Variants in XPO1 observed in about 807,000 individuals in gnomAD.
XPO1 encodes exportin 1.
XPO1 carries 5 observed loss-of-function variants against 133.3 expected under a neutral mutation model. The observed-to-expected ratio is 0.04, with a 90% CI of 0.02 to 0.08. The LOEUF (loss-of-function observed/expected upper bound fraction) is 0.08. XPO1 is among the 10% of genes least tolerant of loss of function. The pLI is 1.00. For missense variants in XPO1, 506 were observed against 1,267.5 expected (o/e 0.40, Z 9.12); for synonymous variants, 419 against 408.2 (o/e 1.03, Z -0.32).
chr2:61,535,446 A>G lies in XPO1; in HGVS notation c.-6-1543T>C, dbSNP rs577086330. Among the ~76,000 whole-genome samples, 6 of 152,362 alleles carry G rather than the reference A, an allele frequency of 3.9e-5. No individual in the cohort carries two copies. The South Asian group carries it at 1.2e-3, about 32-fold the overall frequency. On this transcript the variant is annotated intron_variant, in intron 1 of 24. Transcript: ENST00000401558. ...TTTAGGAACTTTCGTGGACCAGAAA[A>G]TGAGTAGCTAATTTCTTTACATTAT...
intron 4 of XPO1, among the ~76,000 whole-genome samples, chr2:61,515,842 GGGAGGCCGA>G (rs1698347671): frequency 6.6e-6 from 1 of 151,116 alleles, no homozygotes; most frequent in Admixed American, 6.6e-5. Flanking sequence ...CCAGCACTTT[GGGAGGCCGA>G]GGAGGGTGGA....
chr2:61,526,637 G>T, intron 2 of XPO1, 116 bp from the exon 3 acceptor site: 2 of 719,492 alleles, frequency 2.8e-6, no homozygotes, highest in Non-Finnish European at 2.0e-6. Context: ...TTCTATTATT[G>T]ATGTTCAGAA....
intron 17 of XPO1, 139 bp downstream of exon 17, chr2:61,490,503 T>TA (rs2104409383): frequency 8.0e-7 from 1 of 1,253,714 alleles, no homozygotes; most frequent in Non-Finnish European, 1.1e-6. Flanking sequence ...CTCGCCCAGA[T>TA]AATAAATTAT....
rs1230566919 is a variant in XPO1 at position 61,505,416 on chromosome 2, G to C, written c.302-3106C>G. Among the ~76,000 whole-genome samples, 3 of 147,978 alleles carry C rather than the reference G, an allele frequency of 2.0e-5. No individual in the cohort carries two copies. The South Asian group carries it at 6.4e-4, about 31-fold the overall frequency. ...ACTTTTTTTTTTTTTTTTTGAGATG[G>C]AGTCTTCCTCTGTCTTCCAGGCTGG... On this transcript the variant is annotated intron_variant, in intron 4 of 24. Transcript: ENST00000401558.
At chr2:61,484,283 G>T in intron 20 of XPO1, 178 bp from the exon 21 acceptor site, 1 of 557,692 alleles carries the variant, frequency 1.8e-6, no homozygotes, top group South Asian at 2.4e-5. Context: ...CACGGAAAAT[G>T]AAACTGTCCC....
Position 61,492,536 on chromosome 2 carries a change from C to T in XPO1, c.1566+31G>A, listed in dbSNP as rs748636882. 1 of 1,595,380 alleles carries T rather than the reference C, an allele frequency of 6.3e-7. No individual in the cohort carries two copies. The highest frequency in any genetic ancestry group is 1.1e-5 in the South Asian group (1 of 87,360). ...TTGTAACAACATAATACTTATTTAGCAATTCTAATTCATACCTATCCCTTG... is the reference window on the plus strand; with the variant it reads ...TTGTAACAACATAATACTTATTTAGTAATTCTAATTCATACCTATCCCTTG... On this transcript the variant is annotated intron_variant, in intron 14 of 24. Transcript: ENST00000401558. The surrounding 1 kb of genome is among the most constrained non-coding windows in gnomAD (Gnocchi z 5.6).
At chr2:61,483,758 G>T in intron 21 of XPO1, 179 bp downstream of exon 21, 1 of 630,510 alleles carries the variant, frequency 1.6e-6, no homozygotes, top group Non-Finnish European at 2.6e-6. Context: ...TCTGCCTATG[G>T]ACTCACTTGG....
chr2:61,485,819 T>G lies in XPO1; in HGVS notation c.2457A>C (p.Ile819=). 1 of 1,613,820 alleles carries G rather than the reference T, an allele frequency of 6.2e-7. No individual in the cohort carries two copies. Among genetic ancestry groups the G allele is most frequent in the Non-Finnish European group, 8.5e-7 (1 of 1,179,878 alleles). Residue 819 remains isoleucine (I), a synonymous_variant, in exon 20 of 25, where the codon ATA becomes ATC. Transcript: ENST00000401558. ...NKLGGHITAE[I]PQIFDAVFEC... ...CAAAAACAGCATCAAATATTTGAGGTATTTCAGCTGTTATATGTCCCCCTA... is the reference window on the plus strand; with the variant it reads ...CAAAAACAGCATCAAATATTTGAGGGATTTCAGCTGTTATATGTCCCCCTA...
chr2:61,486,435 AT>A (rs1415565588), intron 19 of XPO1, among the ~76,000 whole-genome samples: 2 of 150,010 alleles, frequency 1.3e-5, no homozygotes, highest in African/African-American at 2.5e-5. Context: ...TATATGTAAG[AT>A]GGCAGCAAGC....
intron 4 of XPO1, among the ~76,000 whole-genome samples, chr2:61,518,717 A>G (rs1173273016): frequency 6.6e-6 from 1 of 152,190 alleles, no homozygotes; most frequent in Non-Finnish European, 1.5e-5. Flanking sequence ...GATGGGGAAT[A>G]AAGTGACTAA....
intron 4 of XPO1, among the ~76,000 whole-genome samples, chr2:61,521,744 GTTTT>G (rs1035623464): frequency 6.6e-6 from 1 of 151,550 alleles, no homozygotes; most frequent in African/African-American, 2.4e-5. Context: ...CTTACATATG[GTTTT>G]TTTTGTTGTT....
chr2:61,489,559 ATT>A (rs1316706399), intron 17 of XPO1, among the ~76,000 whole-genome samples: 1 of 145,066 alleles, frequency 6.9e-6, no homozygotes, highest in Admixed American at 6.9e-5. Flanking sequence ...ATATAGTTCT[ATT>A]TTTTTTTTTT....
intron 1 of XPO1, chr2:61,536,264 G>A (rs1699351414): frequency 6.6e-6 from 1 of 152,178 alleles, no homozygotes; most frequent in African/African-American, 2.4e-5. Flanking sequence ...AGCACATTTA[G>A]TCCCCCAAAT....
intron 2 of XPO1, among the ~76,000 whole-genome samples, chr2:61,530,981 T>C (rs1368789973): frequency 2.0e-5 from 3 of 152,074 alleles, no homozygotes; most frequent in South Asian, 4.1e-4. Flanking sequence ...AACCCTCCAA[T>C]CTCTTGTAGG....
At chr2:61,500,733 A>G (rs1370467449) in intron 6 of XPO1, among the ~76,000 whole-genome samples, 1 of 152,102 alleles carries the variant, frequency 6.6e-6, no homozygotes, top group East Asian at 1.9e-4. Context: ...TGGGAGGTGG[A>G]GGTTTCAGTG....
intron 2 of XPO1, among the ~76,000 whole-genome samples, chr2:61,528,736 TA>T (rs1558679566): frequency 0.011 from 21 of 1,888 alleles, 1 homozygote; most frequent in East Asian, 0.077. Flanking sequence ...ATTTTATTTA[TA>T]TATATATATA....
chr2:61,492,933 T>A lies in XPO1; in HGVS notation c.1366A>T (p.Asn456Tyr). Reference protein sequence around the residue: ...KDTDSINLYKNMRETLVYLTH... With the variant: ...KDTDSINLYKYMRETLVYLTH... The stretch of plus-strand genomic sequence containing the variant: ...AACTTACCCAATGTTTCCCTCATAT[T>A]CTTATACAAATTTATGGAATCTGTA... Residue 456 changes from asparagine (N) to tyrosine (Y), a missense_variant, in exon 13 of 25, where the codon AAT becomes TAT. By Grantham distance (143) the Asn-to-Tyr change is moderately radical. This residue lies in a region of XPO1 where 21 missense variants were observed against 198.1 expected (regional missense o/e 0.11). Coordinates refer to ENST00000401558, the MANE Select transcript of XPO1 (RefSeq NM_003400.4). This position sits in a 1 kb window ranked among gnomAD's most constrained non-coding sequence, Gnocchi z 5.6. 1 of 1,604,144 alleles carries A rather than the reference T, an allele frequency of 6.2e-7. No individual in the cohort carries two copies. Among genetic ancestry groups the A allele is most frequent in the Non-Finnish European group, 8.5e-7 (1 of 1,176,532 alleles).
chr2:61,502,288 G>T lies in XPO1; in HGVS notation c.324C>A (p.Gly108=). 6.2e-7 allele frequency: 1 copy of T among 1,613,258 alleles called. No homozygotes were observed. The highest frequency in any genetic ancestry group is 8.5e-7 in the Non-Finnish European group (1 of 1,179,838). Residue 108 remains glycine (G), a synonymous_variant, in exon 5 of 25, where the codon GGC becomes GGA. Coordinates refer to ENST00000401558, the MANE Select transcript of XPO1 (RefSeq NM_003400.4). The part of the protein sequence containing the change: ...QCEGIKKYVV[G]LIIKTSSDPT... Reference sequence around the variant, plus strand: ...GGTCAGATGACGTCTTGATAATGAGGCCAACAACGTATTTTTTTATTCCTA... The same window carrying T: ...GGTCAGATGACGTCTTGATAATGAGTCCAACAACGTATTTTTTTATTCCTA...
At chr2:61,526,671 G>T in intron 2 of XPO1, 150 bp from the exon 3 acceptor site, 2 of 535,276 alleles carry the variant, frequency 3.7e-6, no homozygotes, top group Non-Finnish European at 3.0e-6. Context: ...AGACCTTACA[G>T]AAATAGAAAT....
Sources: allele counts gnomAD v4.1 joint callset (sites outside exome capture counted in the v4.1 genomes callset), GRCh38; gene constraint gnomAD v4.1.1; regional missense constraint gnomAD v4.1.1; non-coding constraint Gnocchi (gnomAD v3.1); transcripts MANE v1.5; gene names NCBI Gene and HGNC (gene_info 2026-07-23, HGNC 2026-07-21).